Variants in RIC3 observed in about 807,000 individuals in gnomAD.
RIC3 encodes RIC3 acetylcholine receptor chaperone, also known as protein RIC-3.
Under a neutral mutation model 27.3 loss-of-function variants are expected in RIC3, and 28 were observed. The observed-to-expected ratio is 1.02, with a 90% CI of 0.76 to 1.41. The LOEUF (loss-of-function observed/expected upper bound fraction) is 1.41. Ranked by LOEUF, RIC3 falls within the 40% of genes most tolerant of loss-of-function variation. The pLI is 0.00. For synonymous variants in RIC3, 184 were observed against 160.4 expected (o/e 1.15, Z -1.11); for missense variants, 501 against 444.7 (o/e 1.13, Z -1.14).
chr11:8,096,710 CGAGGATGAG>C, the RIC3 span: 139 of 1,612,750 alleles, frequency 8.6e-5, 1 homozygote, highest in African/African-American at 8.7e-4. Context: ...TGAGCTTTGA[CGAGGATGAG>C]GAGGATGAGG....
At chr11:8,163,623 A>G (rs1434547532) in intron 1 of RIC3, among the ~76,000 whole-genome samples, 1 of 152,160 alleles carries the variant, frequency 6.6e-6, no homozygotes, top group Non-Finnish European at 1.5e-5. Flanking sequence ...AAAAAGAATA[A>G]AATACTTATG....
intron 5 of RIC3, among the ~76,000 whole-genome samples, chr11:8,126,441 G>C (rs912867226): frequency 1.3e-5 from 2 of 152,132 alleles, no homozygotes; most frequent in South Asian, 4.1e-4. Context: ...GCTACAAAGG[G>C]GGAGCTTTCT....
chr11:8,140,656 G>A (rs1490683260), intron 1 of RIC3, among the ~76,000 whole-genome samples: 2 of 152,186 alleles, frequency 1.3e-5, no homozygotes, highest in Admixed American at 1.3e-4. Flanking sequence ...ATTATGTAGT[G>A]CAGAGCCCTC....
chr11:8,119,382 A>G (rs1185965028), intron 5 of RIC3, among the ~76,000 whole-genome samples: 1 of 152,226 alleles, frequency 6.6e-6, no homozygotes, highest in African/African-American at 2.4e-5. Flanking sequence ...GGCCTCAGAA[A>G]TAACACCACA....
intron 5 of RIC3, among the ~76,000 whole-genome samples, chr11:8,125,275 C>T (rs1046830255): frequency 4.0e-5 from 6 of 149,580 alleles, no homozygotes; most frequent in Admixed American, 2.7e-4. Context: ...AAAAGTAAAT[C>T]GTAAAGAAAA....
chr11:8,127,401 A>G (rs1411496268), intron 4 of RIC3, among the ~76,000 whole-genome samples: 1 of 152,252 alleles, frequency 6.6e-6, no homozygotes, highest in East Asian at 1.9e-4. Context: ...AATATTGTTT[A>G]TATATTCATA....
chr11:8,126,766 A>G lies in RIC3; in HGVS notation c.563T>C (p.Leu188Pro). 6.2e-7 allele frequency: 1 copy of G among 1,614,144 alleles called. No individual in the cohort carries two copies. The highest frequency in any genetic ancestry group is 1.1e-5 in the South Asian group (1 of 91,080). Residue 188 changes from leucine to proline, a missense_variant, in exon 5 of 6, where the codon CTA (leucine) becomes CCA (proline). Coordinates refer to ENST00000309737, the MANE Select transcript of RIC3 (RefSeq NM_001206671.4). ...CCTGGTGATTTCTCGGAGCTGATGT[A>G]GCAACCGTTTCTCTTGGTCAGAAGT... ...TVTSDQEKRL[L>P]HQLREITRVM...
chr11:8,114,653 G>C (rs907331681), intron 5 of RIC3, among the ~76,000 whole-genome samples: 3 of 150,770 alleles, frequency 2.0e-5, no homozygotes, highest in South Asian at 2.1e-4. Flanking sequence ...CACATGAACT[G>C]CCTGACAAAG....
intron 5 of RIC3, among the ~76,000 whole-genome samples, chr11:8,125,253 CAAA>C (rs758292624): frequency 4.8e-5 from 4 of 82,970 alleles, no homozygotes; most frequent in Non-Finnish European, 7.7e-5. Flanking sequence ...GACTCTGTCT[CAAA>C]AAAAAAAAAA....
chr11:8,151,583 C>A (rs1271668849), intron 1 of RIC3, among the ~76,000 whole-genome samples: 1 of 43,766 alleles, frequency 2.3e-5, no homozygotes, highest in Non-Finnish European at 3.6e-5. Context: ...GAAACTCCGT[C>A]TCAAAAAAAA....
chr11:8,158,601 TG>T (rs1950886027), intron 1 of RIC3, among the ~76,000 whole-genome samples: 1 of 151,116 alleles, frequency 6.6e-6, no homozygotes, highest in South Asian at 2.1e-4. Context: ...GCAGAAGAAC[TG>T]CTACTCTGAT....
downstream of RIC3, chr11:8,101,054 TAGGGTTC>T (rs1944275665): frequency 1.2e-6 from 2 of 1,600,812 alleles, no homozygotes; most frequent in Non-Finnish European, 1.7e-6. Flanking sequence ...GCCCTTAGCG[TAGGGTTC>T]AGCCCACCTA....
chr11:8,133,344 T>C (rs1387107336), intron 4 of RIC3, among the ~76,000 whole-genome samples: 2 of 152,186 alleles, frequency 1.3e-5, no homozygotes, highest in African/African-American at 4.8e-5. Context: ...ACAGAAAACA[T>C]ACGAACATAT....
At position 8,107,462 on chromosome 11, in the gene RIC3, CAG is replaced by C. The variant is rs1184334762; in HGVS notation, c.*3234_*3235del. On this transcript the variant is annotated 3_prime_UTR_variant, in exon 6 of 6. Transcript: ENST00000309737. ...TTCAAAAATCTTAAATGGCTATAGA[CAG>C]GGGTGACCCTACGTCCAGGACAGTC... is the stretch of plus-strand genomic sequence containing the variant. The C allele has an allele frequency of 9.2e-5, 14 of 152,320 alleles. No homozygotes were observed. Among genetic ancestry groups the C allele is most frequent in the Admixed American group, 8.5e-4 (13 of 15,304 alleles). The allele number at this position is 152,320 out of a possible 1,614,324, so 9.4% of individuals were successfully genotyped here.
At chr11:8,153,343 G>C (rs1034557198) in intron 1 of RIC3, 2 of 418,630 alleles carry the variant, frequency 4.8e-6, no homozygotes, top group African/African-American at 4.2e-5. Context: ...TTACAGACAG[G>C]GAGCATAGTT....
At chr11:8,133,644 A>T (rs1201736802) in intron 4 of RIC3, among the ~76,000 whole-genome samples, 2 of 152,188 alleles carry the variant, frequency 1.3e-5, no homozygotes, top group African/African-American at 4.8e-5. Context: ...AAAAGTAAAC[A>T]TTCTGGGCTA....
intron 1 of RIC3, among the ~76,000 whole-genome samples, chr11:8,164,002 A>G (rs1951437949): frequency 1.3e-5 from 2 of 152,234 alleles, no homozygotes; most frequent in Admixed American, 6.5e-5. Flanking sequence ...GGATAAGTAT[A>G]CAGATTAATG....
rs1315900829 is a variant in RIC3, at chr11:8,106,234, C to T, written c.*4464G>A. On this transcript the variant is annotated 3_prime_UTR_variant, in exon 6 of 6. Transcript: ENST00000309737. ...ATATATCAACAAATTAAACTTGAAT[C>T]GTTTCAACACTTCTGTGTACTTTTT... 3 of 152,138 alleles carry T rather than the reference C, an allele frequency of 2.0e-5. No individual in the cohort carries two copies. The highest frequency in any genetic ancestry group is 1.9e-4 in the East Asian group (1 of 5,200). The allele number at this position is 152,138 out of a possible 1,614,324, so 9.4% of individuals were successfully genotyped here.
chr11:8,158,144 GTA>G (rs1352080172), intron 1 of RIC3, among the ~76,000 whole-genome samples: 3 of 152,102 alleles, frequency 2.0e-5, no homozygotes, highest in Non-Finnish European at 4.4e-5. Context: ...TGTCATACAT[GTA>G]TATGTGTATA....
Sources: gnomAD v4.1 joint callset for allele counts (sites outside exome capture counted in the v4.1 genomes callset) on GRCh38, gnomAD v4.1.1 for gene constraint, MANE v1.5 for transcripts, NCBI Gene and HGNC (gene_info 2026-07-23, HGNC 2026-07-21) for gene names.